OLFM3: variants seen among roughly 807,000 people sequenced by gnomAD.
OLFM3 encodes the protein noelin-3.
OLFM3 carries 20 observed loss-of-function variants against 48.6 expected under a neutral mutation model. The observed-to-expected ratio is 0.41, with a 90% CI of 0.29 to 0.60. The LOEUF (loss-of-function observed/expected upper bound fraction) is 0.60. OLFM3 is among the 20% of genes least tolerant of loss of function. The pLI, the probability that OLFM3 is intolerant of heterozygous loss-of-function variation, is 0.28. For missense variants in OLFM3, 437 were observed against 544.3 expected (o/e 0.80, Z 1.96); for synonymous variants, 222 against 198.1 (o/e 1.12, Z -1.01).
intron 1 of OLFM3, among the ~76,000 whole-genome samples, chr1:101,840,305 C>G (rs557155760): frequency 6.6e-6 from 1 of 152,186 alleles, no homozygotes; most frequent in South Asian, 2.1e-4. Context: ...CACCTATGGA[C>G]TAGGTGGTGG....
intron 1 of OLFM3, among the ~76,000 whole-genome samples, chr1:101,865,666 G>A (rs1656832040): frequency 6.6e-6 from 1 of 152,108 alleles, no homozygotes; most frequent in African/African-American, 2.4e-5. Context: ...ATCTATCCTA[G>A]CATATCCAAT....
intron 1 of OLFM3, among the ~76,000 whole-genome samples, chr1:101,849,217 A>G (rs1656129099): frequency 1.3e-5 from 2 of 152,268 alleles, no homozygotes; most frequent in African/African-American, 4.8e-5. Flanking sequence ...AAATTAAAAC[A>G]GCTGCAATTT....
chr1:101,858,809 T>G (rs1306528222), intron 1 of OLFM3, among the ~76,000 whole-genome samples: 1 of 152,138 alleles, frequency 6.6e-6, no homozygotes, highest in East Asian at 1.9e-4. Context: ...CTGTACAGCC[T>G]GAAGAACTGT....
At chr1:101,880,062 G>T (rs1278871142) in intron 1 of OLFM3, among the ~76,000 whole-genome samples, 1 of 151,770 alleles carries the variant, frequency 6.6e-6, no homozygotes, top group African/African-American at 2.4e-5. Flanking sequence ...ATTATGTCTA[G>T]ACATGTGACA....
chr1:101,840,988 T>C (rs1318055191), intron 1 of OLFM3, among the ~76,000 whole-genome samples: 4 of 152,198 alleles, frequency 2.6e-5, no homozygotes, highest in African/African-American at 9.7e-5. Flanking sequence ...GTAAAACTCA[T>C]AAAATATTTA....
chr1:101,852,617 A>C (rs1009209736), intron 1 of OLFM3, among the ~76,000 whole-genome samples: 4 of 152,056 alleles, frequency 2.6e-5, no homozygotes, highest in African/African-American at 9.7e-5. Flanking sequence ...TCTCCACTTC[A>C]GTGTTTAACA....
intron 1 of OLFM3, among the ~76,000 whole-genome samples, chr1:101,897,759 G>A (rs969622835): frequency 1.3e-5 from 2 of 152,020 alleles, no homozygotes; most frequent in Non-Finnish European, 2.9e-5. Flanking sequence ...GATTTAATCT[G>A]GGATACATTG....
intron 1 of OLFM3, among the ~76,000 whole-genome samples, chr1:101,877,573 T>A (rs1657349780): frequency 1.3e-5 from 2 of 151,930 alleles, no homozygotes; most frequent in Admixed American, 1.3e-4. Context: ...GAGACAATGT[T>A]GCATAAGAAT....
At chr1:101,891,553 C>T (rs543245750) in intron 1 of OLFM3, among the ~76,000 whole-genome samples, 25 of 151,932 alleles carry the variant, frequency 1.6e-4, no homozygotes, top group African/African-American at 6.0e-4. Context: ...TTGGACCATC[C>T]TCTCATTTTT....
At chr1:101,900,034 T>C (rs1658340242) in intron 1 of OLFM3, among the ~76,000 whole-genome samples, 1 of 152,192 alleles carries the variant, frequency 6.6e-6, no homozygotes, top group Non-Finnish European at 1.5e-5. Context: ...AATTACAAGA[T>C]CTTCACTTGA....
intron 1 of OLFM3, among the ~76,000 whole-genome samples, chr1:101,867,340 G>T (rs1030657684): frequency 1.3e-5 from 2 of 152,148 alleles, no homozygotes; most frequent in South Asian, 2.1e-4. Flanking sequence ...AAATATTATA[G>T]ACTGCGTTTT....
chr1:101,859,242 G>A (rs1017744361), intron 1 of OLFM3, among the ~76,000 whole-genome samples: 2 of 152,046 alleles, frequency 1.3e-5, no homozygotes, highest in East Asian at 3.8e-4. Context: ...TGGAGTTTCA[G>A]GAAGAAACTG....
chr1:101,920,745 G>C (rs1449813077), intron 1 of OLFM3, among the ~76,000 whole-genome samples: 1 of 152,182 alleles, frequency 6.6e-6, no homozygotes, highest in Non-Finnish European at 1.5e-5. Flanking sequence ...GCTGTCCTCA[G>C]AGTTGTCTCT....
intron 1 of OLFM3, among the ~76,000 whole-genome samples, chr1:101,885,822 C>CAAT (rs1212752399): frequency 6.6e-6 from 1 of 151,996 alleles, no homozygotes; most frequent in Non-Finnish European, 1.5e-5. Context: ...GCTAATGTGC[C>CAAT]AATCAATGCT....
chr1:101,906,932 TAGG>T (rs1292356353), intron 1 of OLFM3, among the ~76,000 whole-genome samples: 9 of 152,304 alleles, frequency 5.9e-5, no homozygotes, highest in South Asian at 2.1e-4. Context: ...CAAACTAAGC[TAGG>T]AGAAGTCTTT....
chr1:101,804,472 A>G lies in OLFM3; in HGVS notation c.1143T>C (p.Cys381=). ...GGGAGTTGGTGACATACAGTGTCCCACAGATCATGAAAGATTCCCCTGCAC... is the reference window on the plus strand; with the variant it reads ...GGGAGTTGGTGACATACAGTGTCCCGCAGATCATGAAAGATTCCCCTGCAC... ...KRSAGESFMI[C]GTLYVTNSHL... Residue 381 remains cysteine (C), a synonymous_variant, in exon 6 of 6, where the codon TGT becomes TGC. Coordinates refer to ENST00000370103, the MANE Select transcript of OLFM3 (RefSeq NM_058170.4). This position sits in a 1 kb window ranked among gnomAD's most constrained non-coding sequence, Gnocchi z 4.5. 1 of 1,612,648 alleles carries G rather than the reference A, an allele frequency of 6.2e-7. No homozygotes were observed. Among genetic ancestry groups the G allele is most frequent in the Non-Finnish European group, 8.5e-7 (1 of 1,179,090 alleles).
At chr1:101,996,079 AT>A (rs1234871014) in intron 1 of OLFM3, among the ~76,000 whole-genome samples, 1 of 152,114 alleles carries the variant, frequency 6.6e-6, no homozygotes, top group Non-Finnish European at 1.5e-5. Flanking sequence ...CATCCTTCCT[AT>A]TGCCCTCCTT....
chr1:101,977,686 C>T (rs1195261523), intron 1 of OLFM3, among the ~76,000 whole-genome samples: 2 of 152,032 alleles, frequency 1.3e-5, no homozygotes, highest in South Asian at 2.1e-4. Context: ...TTAGTCAACT[C>T]TCATGGCAAA....
At chr1:101,814,617 G>T (rs1159342186) in intron 4 of OLFM3, among the ~76,000 whole-genome samples, 1 of 152,136 alleles carries the variant, frequency 6.6e-6, no homozygotes, top group African/African-American at 2.4e-5. Flanking sequence ...TAGCCATTTA[G>T]AGAATAGCTA....
Sources: allele counts gnomAD v4.1 joint callset (sites outside exome capture counted in the v4.1 genomes callset), GRCh38; gene constraint gnomAD v4.1.1; non-coding constraint Gnocchi (gnomAD v3.1); transcripts MANE v1.5; gene names NCBI Gene and HGNC (gene_info 2026-07-23, HGNC 2026-07-21).